Variants in ABCA9 observed in about 807,000 individuals in gnomAD.
ABCA9 encodes ATP binding cassette subfamily A member 9.
In ABCA9, 183 loss-of-function variants were observed where a neutral mutation model predicts 205.3. That is an observed-to-expected ratio of 0.89 (90% CI 0.79 to 1.01). ABCA9 has a LOEUF of 1.01. Ranked by LOEUF, ABCA9 falls within the 50% of genes least tolerant of loss-of-function variation. The pLI is 0.00. For missense variants in ABCA9, 1,805 were observed against 1,912.4 expected (o/e 0.94, Z 1.05); for synonymous variants, 651 against 683.3 (o/e 0.95, Z 0.74).
Position 69,032,239 on chromosome 17 carries a change from C to T in ABCA9, c.1314G>A (p.Leu438=). ...CGTGTTGAAACCAAAAACAGGATTT[C>T]AGGAAAAACAAGGGAGAACATCGAT... ...YGHRCSPLFF[L]KSCFWFQHGR... The change falls in exon 10 of 39, where the codon CTG becomes CTA. Residue 438 remains leucine (L), a synonymous_variant. Coordinates refer to ENST00000340001, the MANE Select transcript of ABCA9 (RefSeq NM_080283.4). 6.2e-7 allele frequency: 1 copy of T among 1,613,772 alleles called. No individual in the cohort carries two copies. The highest frequency in any genetic ancestry group is 1.3e-5 in the African/African-American group (1 of 74,996).
chr17:69,056,763 T>C (rs2072081858), intron 1 of ABCA9, among the ~76,000 whole-genome samples: 1 of 152,222 alleles, frequency 6.6e-6, no homozygotes, highest in Admixed American at 6.5e-5. Context: ...TAGGATATAC[T>C]GTGTAAGAGA....
intron 22 of ABCA9, 38 bp from the exon 23 acceptor site, chr17:69,012,121 G>T: frequency 7.1e-7 from 1 of 1,418,020 alleles, no homozygotes; most frequent in Non-Finnish European, 9.9e-7. Context: ...GATGGCGATT[G>T]GGCATCTGTT....
chr17:69,027,804 C>T lies in ABCA9; in HGVS notation c.1627G>A (p.Val543Ile). 2 of 1,606,942 alleles carry T rather than the reference C, an allele frequency of 1.2e-6. No individual in the cohort carries two copies. Among genetic ancestry groups the T allele is most frequent in the Non-Finnish European group, 8.5e-7 (1 of 1,176,892 alleles). Residue 543 changes from valine to isoleucine, a missense_variant, in exon 13 of 39, where the codon GTC becomes ATC. Coordinates refer to ENST00000340001, the MANE Select transcript of ABCA9 (RefSeq NM_080283.4). ...LSVPTSGSVT[V>I]YNHTLSRMAD... Reference sequence around the variant, plus strand: ...ATTCTTGAAAGTGTGTGATTATAGACAGTGACTGAACCTGAAAGCAGAAGG... The same window carrying T: ...ATTCTTGAAAGTGTGTGATTATAGATAGTGACTGAACCTGAAAGCAGAAGG...
In ABCA9 at chr17:68,975,766, T is replaced by C. The variant is rs764204160; in HGVS notation, c.*149A>G. On this transcript the variant is annotated 3_prime_UTR_variant, in exon 39 of 39. Coordinates refer to ENST00000340001, the MANE Select transcript of ABCA9 (RefSeq NM_080283.4). ...TCGCCCTCACTGACATCGCCTGTTG[T>C]CTCACTGTAAGAAATACTACTGAGG... 9.0e-6 allele frequency: 6 copies of C among 663,626 alleles called. No individual in the cohort carries two copies. Among genetic ancestry groups the C allele is most frequent in the Non-Finnish European group, 1.5e-5 (6 of 387,726 alleles). 41.1% of individuals were successfully genotyped at this position (663,626 alleles called of 1,614,324 possible). A position where few individuals can be genotyped will look rare whatever the true frequency, so the allele number is the denominator to read the frequency against.
chr17:69,040,449 C>T (rs945989910), intron 6 of ABCA9, among the ~76,000 whole-genome samples: 1 of 152,148 alleles, frequency 6.6e-6, no homozygotes, highest in Non-Finnish European at 1.5e-5. Context: ...CAAACTATCA[C>T]AGGAACAGAA....
chr17:68,989,135 T>C lies in ABCA9; in HGVS notation c.3956-17A>G, dbSNP rs757804746. On this transcript the variant is annotated splice_polypyrimidine_tract_variant and intron_variant, in intron 30 of 38. Coordinates refer to ENST00000340001, the MANE Select transcript of ABCA9 (RefSeq NM_080283.4). ...TAACTTCACCTGAAAGAAAGTGGTA[T>C]GCTCAGAAATATACAAATAATTGCA... 2 of 1,507,036 alleles carry C rather than the reference T, an allele frequency of 1.3e-6. No homozygotes were observed. The highest frequency in any genetic ancestry group is 1.7e-4 in the Middle Eastern group (1 of 5,840). 93.4% of individuals were successfully genotyped at this position (1,507,036 alleles called of 1,614,324 possible). A position where few individuals can be genotyped will look rare whatever the true frequency, so the allele number is the denominator to read the frequency against.
chr17:68,989,864 T>C lies in ABCA9; in HGVS notation c.3904A>G (p.Lys1302Glu). Residue 1302 changes from lysine (K) to glutamate (E), a missense_variant, in exon 30 of 39, where the codon AAA (lysine) becomes GAA (glutamate). Lys to Glu is a moderately conservative substitution (Grantham distance 56). Transcript: ENST00000340001. ...CTTGTGGCAATTTTTTTCTTCCTTT[T>C]AGAAAAGCAATTTTTCTTTTTGCCT... is the stretch of plus-strand genomic sequence containing the variant. ...YAGKKKNCFS[K>E]RKKKIATRNV... 1.2e-6 allele frequency: 2 copies of C among 1,613,570 alleles called. No individual in the cohort carries two copies. The highest frequency in any genetic ancestry group is 1.7e-6 in the Non-Finnish European group (2 of 1,179,618).
Position 69,007,869 on chromosome 17 carries a change from G to T in ABCA9, c.3325C>A (p.Leu1109Met). Residue 1109 changes from leucine (L) to methionine (M), a missense_variant, in exon 25 of 39, where the codon CTG becomes ATG. Transcript: ENST00000340001. ...FIIQNLLIQI[L>M]CSIGYVSSLV... is the part of the protein sequence containing the mutation. ...GATGAGACATAGCCAATACTACACA[G>T]GATCTGAAAACAGAAATGTTAAGGT... The T allele has an allele frequency of 6.3e-7, 1 of 1,582,096 alleles. No homozygotes were observed. Among genetic ancestry groups the T allele is most frequent in the Non-Finnish European group, 8.7e-7 (1 of 1,154,300 alleles).
chr17:69,034,646 G>T (rs920177684), intron 8 of ABCA9: 1 of 152,124 alleles, frequency 6.6e-6, no homozygotes, highest in Non-Finnish European at 1.5e-5. Flanking sequence ...GCTGCAATAG[G>T]ACTTTTTTGG....
At chr17:68,998,287 C>T (rs2069705335) in intron 25 of ABCA9, among the ~76,000 whole-genome samples, 1 of 152,162 alleles carries the variant, frequency 6.6e-6, no homozygotes, top group Non-Finnish European at 1.5e-5. Context: ...TTCAGTAGGG[C>T]TTTTAAAACG....
upstream of ABCA9, among the ~76,000 whole-genome samples, chr17:69,063,183 G>C (rs2072299403): frequency 6.8e-6 from 1 of 147,824 alleles, no homozygotes; most frequent in African/African-American, 2.4e-5. Flanking sequence ...ATATATCTCT[G>C]TTTATTCCAT....
chr17:69,052,149 T>C (rs750698013), intron 1 of ABCA9, among the ~76,000 whole-genome samples: 2 of 152,128 alleles, frequency 1.3e-5, no homozygotes, highest in Admixed American at 6.5e-5. Context: ...GGCAGGAGGA[T>C]TGCTTGAAGC....
the ABCA9 span, among the ~76,000 whole-genome samples, chr17:69,075,351 T>C: frequency 6.6e-6 from 1 of 152,176 alleles, no homozygotes; most frequent in Non-Finnish European, 1.5e-5. Flanking sequence ...TTCCTAGGTT[T>C]TCTCATAGGA....
chr17:69,062,728 G>C (rs183902815), upstream of ABCA9, among the ~76,000 whole-genome samples: 1 of 152,020 alleles, frequency 6.6e-6, no homozygotes, highest in South Asian at 2.1e-4. Flanking sequence ...GGTCAAGCTG[G>C]TCTGGAACTC....
intron 22 of ABCA9, 104 bp from the exon 23 acceptor site, chr17:69,012,187 A>G: frequency 1.3e-6 from 1 of 777,644 alleles, no homozygotes; most frequent in Non-Finnish European, 2.0e-6. Flanking sequence ...CTGATCACTC[A>G]AAGTGCTTCT....
chr17:69,032,627 T>A (rs2071191612), intron 9 of ABCA9: 1 of 165,460 alleles, frequency 6.0e-6, no homozygotes, highest in Non-Finnish European at 1.3e-5. Context: ...TAAGATGGAG[T>A]CTCACTCTGT....
intron 25 of ABCA9, among the ~76,000 whole-genome samples, chr17:68,996,708 C>G (rs751752672): frequency 4.6e-5 from 7 of 152,124 alleles, no homozygotes; most frequent in Non-Finnish European, 8.8e-5. Flanking sequence ...GATTTTATTG[C>G]TGATATTAAG....
intron 3 of ABCA9, among the ~76,000 whole-genome samples, chr17:69,048,412 C>T (rs1237468261): frequency 4.5e-5 from 6 of 134,660 alleles, no homozygotes; most frequent in South Asian, 2.3e-4. Flanking sequence ...AATAACTTGA[C>T]GAAAGCATGG....
In ABCA9 at chr17:69,024,267, C is replaced by G; in HGVS notation, c.2228G>C (p.Ser743Thr). The change falls in exon 17 of 39, where the codon AGT (serine) becomes ACT (threonine). Residue 743 changes from serine (S) to threonine (T), a missense_variant. Transcript: ENST00000340001. Reference sequence around the variant, plus strand: ...CAAAATATATACAAGTTTTTCTTCACTTTGTGCTGTCAATTTGGCATCAGA... The same window carrying G: ...CAAAATATATACAAGTTTTTCTTCAGTTTGTGCTGTCAATTTGGCATCAGA... Reference protein sequence around the residue: ...HISDAKLTAQSEEKLVYILPL... With the variant: ...HISDAKLTAQTEEKLVYILPL... 4 of 1,613,324 alleles carry G rather than the reference C, an allele frequency of 2.5e-6. No homozygotes were observed. Among genetic ancestry groups the G allele is most frequent in the Non-Finnish European group, 3.4e-6 (4 of 1,179,534 alleles).
Sources: allele counts gnomAD v4.1 joint callset (sites outside exome capture counted in the v4.1 genomes callset), GRCh38; gene constraint gnomAD v4.1.1; transcripts MANE v1.5; gene names NCBI Gene and HGNC (gene_info 2026-07-23, HGNC 2026-07-21).